The following DLG2 variants were observed in gnomAD, a reference collection of about 807,000 sequenced individuals.
The protein encoded by DLG2 is discs large MAGUK scaffold protein 2.
In DLG2, 45 loss-of-function variants were observed where a neutral mutation model predicts 132.5. That is an observed-to-expected ratio of 0.34 (90% CI 0.27 to 0.44). The LOEUF (loss-of-function observed/expected upper bound fraction) is 0.44. Among genes scored for constraint, DLG2 ranks in the 20% least tolerant of loss-of-function variants. The pLI is 1.00. For synonymous variants in DLG2, 424 were observed against 419.6 expected (o/e 1.01, Z -0.13); for missense variants, 1,045 against 1,196.9 (o/e 0.87, Z 1.87).
chr11:84,510,295 C>A (rs2099253762), intron 7 of DLG2, among the ~76,000 whole-genome samples: 2 of 151,796 alleles, frequency 1.3e-5, no homozygotes, highest in Admixed American at 1.3e-4. Context: ...ATTTTTATTC[C>A]TAACATATGT....
In DLG2 at chr11:83,543,002, TTTC is replaced by T. The variant is rs1485730743; in HGVS notation, c.1941-1147_1941-1145del. ...TTTCCACACTGAGGACCAAGTGTGG[TTTC>T]TTCTTCTTTTTTTTGCCCATCAAAG... is the stretch of plus-strand genomic sequence containing the variant. On this transcript the variant is annotated intron_variant, in intron 19 of 27. Transcript: ENST00000376104. 3.9e-5 allele frequency among the ~76,000 whole-genome samples: 6 copies of T among 152,226 alleles called. No homozygotes were observed. In the East Asian group the frequency reaches 9.6e-4, roughly 24 times the overall value.
At chr11:83,529,496 T>TA (rs904548206) in intron 21 of DLG2, among the ~76,000 whole-genome samples, 12 of 152,116 alleles carry the variant, frequency 7.9e-5, no homozygotes, top group African/African-American at 2.7e-4. Flanking sequence ...TAAGGCACCT[T>TA]AAAAAATCAT....
intron 4 of DLG2, among the ~76,000 whole-genome samples, chr11:85,182,936 A>C (rs1454971434): frequency 6.6e-6 from 1 of 151,048 alleles, no homozygotes; most frequent in Admixed American, 6.6e-5. Context: ...GGCCTGACAG[A>C]GTCGATGCAT....
chr11:84,156,262 T>C (rs2095427409), intron 9 of DLG2, among the ~76,000 whole-genome samples: 1 of 152,194 alleles, frequency 6.6e-6, no homozygotes, highest in African/African-American at 2.4e-5. Context: ...CATTAGCAAA[T>C]GCAGCTAAGT....
chr11:85,138,552 T>C (rs1210102678), intron 5 of DLG2, among the ~76,000 whole-genome samples: 1 of 152,160 alleles, frequency 6.6e-6, no homozygotes, highest in Non-Finnish European at 1.5e-5. Flanking sequence ...CTGATATGGT[T>C]TGGTTGTGTC....
At chr11:85,400,473 A>ATG (rs2087943352) in intron 3 of DLG2, among the ~76,000 whole-genome samples, 1 of 149,404 alleles carries the variant, frequency 6.7e-6, no homozygotes. Context: ...CTATAAAGAC[A>ATG]CATGCACACG....
intron 18 of DLG2, among the ~76,000 whole-genome samples, chr11:83,658,550 G>A (rs1212026614): frequency 6.6e-6 from 1 of 152,110 alleles, no homozygotes; most frequent in Non-Finnish European, 1.5e-5. Flanking sequence ...TTTTTTATAA[G>A]CGAAATGATT....
At chr11:84,365,589 T>G (rs1382235826) in intron 7 of DLG2, among the ~76,000 whole-genome samples, 1 of 152,044 alleles carries the variant, frequency 6.6e-6, no homozygotes, top group Non-Finnish European at 1.5e-5. Flanking sequence ...TTCTAGTTCT[T>G]TTAATTGTGA....
chr11:83,973,171 A>C (rs905016966), intron 12 of DLG2, among the ~76,000 whole-genome samples: 1 of 152,138 alleles, frequency 6.6e-6, no homozygotes, highest in Non-Finnish European at 1.5e-5. Flanking sequence ...AAATGTAAAC[A>C]ATATATTAGC....
intron 10 of DLG2, 67 bp from the exon 11 acceptor site, chr11:84,059,551 G>C: frequency 8.2e-7 from 1 of 1,221,438 alleles, no homozygotes; most frequent in South Asian, 1.9e-5. Flanking sequence ...ATATTATTAT[G>C]TTTATCTGAC....
At chr11:84,574,693 C>T (rs1355526476) in intron 6 of DLG2, among the ~76,000 whole-genome samples, 1 of 152,170 alleles carries the variant, frequency 6.6e-6, no homozygotes, top group Non-Finnish European at 1.5e-5. Context: ...AGGTCCATAG[C>T]ATTCCACATT....
intron 17 of DLG2, chr11:83,790,270 T>A: frequency 1.1e-6 from 1 of 925,240 alleles, no homozygotes; most frequent in Non-Finnish European, 1.8e-6. Flanking sequence ...ACCTACCATT[T>A]GAGTGCCCAA....
rs371002333 is a variant in DLG2, at chr11:84,267,705, CTG to C, written c.520-16416_520-16415del. Among the ~76,000 whole-genome samples the C allele has an allele frequency of 4.5e-4, 68 of 152,348 alleles. 1 individual carries two copies. The South Asian group carries it at 0.013, about 28-fold the overall frequency. ...CTTAGTTCTTTTCAGCCTCATTTCTCTGTGTCTTTCTTTGAGACCACATAGTT... is the reference window on the plus strand; with the variant it reads ...CTTAGTTCTTTTCAGCCTCATTTCTCTGTCTTTCTTTGAGACCACATAGTT... On this transcript the variant is annotated intron_variant, in intron 7 of 27. Transcript: ENST00000376104.
chr11:83,921,453 G>A (rs764610712), intron 15 of DLG2, among the ~76,000 whole-genome samples: 1 of 152,056 alleles, frequency 6.6e-6, no homozygotes, highest in Non-Finnish European at 1.5e-5. Flanking sequence ...ATAAAATTGG[G>A]ATGATCATAG....
At chr11:84,295,010 T>C (rs2098069395) in intron 7 of DLG2, among the ~76,000 whole-genome samples, 2 of 152,172 alleles carry the variant, frequency 1.3e-5, no homozygotes, top group East Asian at 3.8e-4. Flanking sequence ...ATATTAAATT[T>C]CCAGAAAACC....
intron 6 of DLG2, among the ~76,000 whole-genome samples, chr11:84,747,327 T>C (rs1182627056): frequency 1.3e-5 from 2 of 152,202 alleles, no homozygotes; most frequent in African/African-American, 4.8e-5. Flanking sequence ...ACACAACCTG[T>C]ATACATAATC....
intron 15 of DLG2, among the ~76,000 whole-genome samples, chr11:83,896,205 A>AATTTGTCG (rs1453659063): frequency 2.0e-5 from 3 of 152,238 alleles, no homozygotes; most frequent in African/African-American, 7.2e-5. Flanking sequence ...TTGGAATAAA[A>AATTTGTCG]TATGAAAACG....
At chr11:84,917,969 G>A (rs7111775) in intron 6 of DLG2, among the ~76,000 whole-genome samples, 1 of 151,834 alleles carries the variant, frequency 6.6e-6, no homozygotes, top group Admixed American at 6.5e-5. Context: ...TTACTCGAAC[G>A]GTCCATACAT....
intron 6 of DLG2, among the ~76,000 whole-genome samples, chr11:84,803,294 A>G (rs776489959): frequency 1.3e-5 from 2 of 152,226 alleles, no homozygotes; most frequent in Non-Finnish European, 2.9e-5. Flanking sequence ...ATTAAAACCC[A>G]ACAACCATCC....
Sources: allele counts gnomAD v4.1 joint callset (sites outside exome capture counted in the v4.1 genomes callset), GRCh38; gene constraint gnomAD v4.1.1; transcripts MANE v1.5; gene names NCBI Gene and HGNC (gene_info 2026-07-23, HGNC 2026-07-21).